The following DCC variants were observed in gnomAD, a reference collection of about 807,000 sequenced individuals.
DCC encodes netrin receptor DCC.
DCC carries 58 observed loss-of-function variants against 172.5 expected under a neutral mutation model. That is an observed-to-expected ratio of 0.34 (90% CI 0.27 to 0.42). The LOEUF is 0.42. DCC is among the 10% of genes least tolerant of loss of function. The pLI is 1.00. For synonymous variants in DCC, 709 were observed against 644.5 expected, an observed-to-expected ratio of 1.10 and a Z score of -1.52; for missense variants, 1,740 against 1,791.0, an observed-to-expected ratio of 0.97 and a Z score of 0.51.
chr18:52,906,100 G>A lies in DCC; in HGVS notation c.469G>A (p.Val157Met), dbSNP rs758490958. Residue 157 changes from valine to methionine, a missense_variant, in exon 3 of 29, where the codon GTG becomes ATG. Coordinates refer to ENST00000442544, the MANE Select transcript of DCC (RefSeq NM_005215.4). ...TGTCACAGCCTTCATGGGAGACACA[G>A]TGCTACTCAAGTGTGAAGTCATTGG... Reference protein sequence around the residue: ...ESVTAFMGDTVLLKCEVIGEP... With the variant: ...ESVTAFMGDTMLLKCEVIGEP... 6.2e-7 allele frequency: 1 copy of A among 1,612,860 alleles called. No homozygotes were observed. The highest frequency in any genetic ancestry group is 1.7e-5 in the Admixed American group (1 of 60,004).
At chr18:52,494,101 A>G (rs768617172) in intron 1 of DCC, among the ~76,000 whole-genome samples, 24 of 152,058 alleles carry the variant, frequency 1.6e-4, no homozygotes, top group Non-Finnish European at 2.9e-5. Context: ...TTTGCTGGGT[A>G]TAGAATTCTA....
chr18:52,384,079 G>C (rs1226611053), intron 1 of DCC, among the ~76,000 whole-genome samples: 1 of 151,438 alleles, frequency 6.6e-6, no homozygotes, highest in Non-Finnish European at 1.5e-5. Context: ...TTTCCTATTT[G>C]TCTTCTCAAT....
chr18:52,868,053 A>ATGTGTG (rs1555675518), intron 2 of DCC, among the ~76,000 whole-genome samples: 27 of 144,356 alleles, frequency 1.9e-4, no homozygotes, highest in African/African-American at 6.2e-4. Context: ...ATATATATAT[A>ATGTGTG]TGTGTGTGTG....
intron 1 of DCC, among the ~76,000 whole-genome samples, chr18:52,503,329 A>G (rs180918267): frequency 3.3e-5 from 5 of 152,276 alleles, no homozygotes; most frequent in Non-Finnish European, 7.4e-5. Flanking sequence ...ACTCAGAGTT[A>G]CCCTTGTTAA....
chr18:53,112,548 A>T (rs541974321), intron 7 of DCC, among the ~76,000 whole-genome samples: 1 of 151,634 alleles, frequency 6.6e-6, no homozygotes, highest in South Asian at 2.1e-4. Flanking sequence ...CAGTGATCAA[A>T]TTATGGGTGT....
chr18:52,793,103 G>T (rs2037807534), intron 2 of DCC, among the ~76,000 whole-genome samples: 1 of 152,164 alleles, frequency 6.6e-6, no homozygotes, highest in Non-Finnish European at 1.5e-5. Flanking sequence ...TGGAGAAGGT[G>T]GTGTCTGATT....
intron 3 of DCC, among the ~76,000 whole-genome samples, chr18:52,912,456 T>C (rs1004780510): frequency 2.0e-5 from 3 of 152,100 alleles, no homozygotes; most frequent in Admixed American, 6.6e-5. Flanking sequence ...TCATTACACA[T>C]GCTTTAAGCT....
intron 23 of DCC, among the ~76,000 whole-genome samples, chr18:53,458,957 C>T (rs1379775309): frequency 6.6e-6 from 1 of 152,162 alleles, no homozygotes; most frequent in Non-Finnish European, 1.5e-5. Flanking sequence ...TCACCTTGCA[C>T]ATGAATCTGC....
intron 2 of DCC, among the ~76,000 whole-genome samples, chr18:52,795,134 C>G (rs1176816292): frequency 6.6e-6 from 1 of 151,862 alleles, no homozygotes; most frequent in African/African-American, 2.4e-5. Context: ...CAGGGTAATT[C>G]TGGCCTTGTA....
intron 15 of DCC, among the ~76,000 whole-genome samples, chr18:53,369,260 C>T (rs1359120641): frequency 6.6e-6 from 1 of 151,772 alleles, no homozygotes; most frequent in East Asian, 1.9e-4. Flanking sequence ...GGAAACACAA[C>T]TGATTTTTTG....
chr18:52,925,481 A>G (rs1383603126), intron 5 of DCC, 111 bp downstream of exon 5: 6 of 1,141,454 alleles, frequency 5.3e-6, no homozygotes, highest in Non-Finnish European at 5.3e-6. Context: ...GTGAAATTGC[A>G]AAGTCCCAAT....
In DCC at chr18:52,461,863, A is replaced by T. The variant is rs1988640921; in HGVS notation, c.91+120985A>T. ...TCCCCGAAACTACAGTCATTTTTTC[A>T]ACTGTGCACTGGAAAGTCTAATAGA... On this transcript the variant is annotated intron_variant, in intron 1 of 28. Transcript: ENST00000442544. Among the ~76,000 whole-genome samples, 4 of 152,234 alleles carry T rather than the reference A, an allele frequency of 2.6e-5. No homozygotes were observed. The South Asian group carries it at 8.3e-4, about 32-fold the overall frequency.
chr18:53,508,158 G>A (rs1014836828), intron 27 of DCC, among the ~76,000 whole-genome samples: 8 of 151,918 alleles, frequency 5.3e-5, no homozygotes, highest in Admixed American at 4.6e-4. Context: ...CTCCCAAAGT[G>A]CTGGGATTAT....
chr18:52,980,059 T>A (rs2041183405), intron 5 of DCC, among the ~76,000 whole-genome samples: 1 of 152,140 alleles, frequency 6.6e-6, no homozygotes, highest in Non-Finnish European at 1.5e-5. Flanking sequence ...AATTCAATTA[T>A]CTGCCCCCGC....
At chr18:53,469,039 G>C (rs969909679) in intron 25 of DCC, among the ~76,000 whole-genome samples, 3 of 152,074 alleles carry the variant, frequency 2.0e-5, no homozygotes, top group Non-Finnish European at 4.4e-5. Context: ...TACCTTATTA[G>C]TTCCCTGCTC....
intron 12 of DCC, among the ~76,000 whole-genome samples, chr18:53,257,005 T>G (rs2056525964): frequency 6.6e-6 from 1 of 152,214 alleles, no homozygotes; most frequent in South Asian, 2.1e-4. Context: ...ATGATTTGGC[T>G]CTCTGTTTGT....
At chr18:53,239,102 A>G (rs972355020) in intron 12 of DCC, among the ~76,000 whole-genome samples, 5 of 151,610 alleles carry the variant, frequency 3.3e-5, no homozygotes, top group Non-Finnish European at 7.4e-5. Flanking sequence ...TAAGTGACGA[A>G]TTAATGGGTG....
chr18:52,927,205 A>G (rs1352982622), intron 5 of DCC, among the ~76,000 whole-genome samples: 2 of 133,070 alleles, frequency 1.5e-5, no homozygotes, highest in African/African-American at 5.7e-5. Flanking sequence ...ATAGGTGTAT[A>G]TGTACATATA....
At chr18:52,795,680 C>A (rs758855277) in intron 2 of DCC, among the ~76,000 whole-genome samples, 3 of 151,814 alleles carry the variant, frequency 2.0e-5, no homozygotes, top group Admixed American at 6.6e-5. Context: ...CCTTAAGGTG[C>A]ATTGATAGGT....
Sources: gnomAD v4.1 joint callset for allele counts (sites outside exome capture counted in the v4.1 genomes callset) on GRCh38, gnomAD v4.1.1 for gene constraint, MANE v1.5 for transcripts, NCBI Gene and HGNC (gene_info 2026-07-23, HGNC 2026-07-21) for gene names.